Variants in MAST4 observed in about 807,000 individuals in gnomAD.
MAST4 encodes the protein microtubule-associated serine/threonine-protein kinase 4.
In MAST4, 89 loss-of-function variants were observed where a neutral mutation model predicts 162.7. The ratio of observed to expected loss-of-function variants is 0.55; its 90% confidence interval spans 0.46 to 0.65. The LOEUF (loss-of-function observed/expected upper bound fraction) is 0.65, where lower values mean the gene tolerates loss of function less well. Among genes scored for constraint, MAST4 ranks in the 30% least tolerant of loss-of-function variants. The pLI is 0.00. For synonymous variants in MAST4, 1,479 were observed against 1,361.1 expected (o/e 1.09, Z -1.91); for missense variants, 3,153 against 3,374.0 (o/e 0.93, Z 1.62).
At chr5:66,707,442 C>T (rs1449641145) in intron 1 of MAST4, among the ~76,000 whole-genome samples, 1 of 152,108 alleles carries the variant, frequency 6.6e-6, no homozygotes, top group Non-Finnish European at 1.5e-5. Flanking sequence ...ACAAGGGGGC[C>T]TTAAAAACAG....
At chr5:66,949,929 A>T (rs1262228729) in intron 4 of MAST4, among the ~76,000 whole-genome samples, 1 of 152,188 alleles carries the variant, frequency 6.6e-6, no homozygotes, top group Non-Finnish European at 1.5e-5. Flanking sequence ...AGTGTCTGAA[A>T]GCTGTAAAAC....
chr5:66,769,585 G>A (rs776987218), intron 2 of MAST4, among the ~76,000 whole-genome samples: 1 of 152,126 alleles, frequency 6.6e-6, no homozygotes, highest in Non-Finnish European at 1.5e-5. Context: ...GCATGTTACT[G>A]TACTGCATAC....
Position 66,814,538 on chromosome 5 carries a change from T to C in MAST4, c.642+25744T>C, listed in dbSNP as rs145785228. Among the ~76,000 whole-genome samples, 16 of 152,326 alleles carry C rather than the reference T, an allele frequency of 1.1e-4. No individual in the cohort carries two copies. In the East Asian group the frequency reaches 2.9e-3, roughly 28 times the overall value. ...TCTCATTAGATGATCCTCTGAAATA[T>C]ATTTCTTCTGATCTTCATCTCCAGA... On this transcript the variant is annotated intron_variant, in intron 3 of 28. Coordinates refer to ENST00000403625, the MANE Select transcript of MAST4 (RefSeq NM_001164664.2).
chr5:66,975,592 G>A (rs1241916213), intron 4 of MAST4, among the ~76,000 whole-genome samples: 1 of 152,194 alleles, frequency 6.6e-6, no homozygotes. Flanking sequence ...TTAAGGACAA[G>A]TGTGTGTAAG....
At chr5:66,706,831 A>G (rs1005786130) in intron 1 of MAST4, among the ~76,000 whole-genome samples, 16 of 152,292 alleles carry the variant, frequency 1.1e-4, no homozygotes, top group Non-Finnish European at 1.3e-4. Context: ...AAATATCTTG[A>G]CTATAAGAAA....
Position 66,596,688 on chromosome 5 carries a change from G to A in MAST4, c.33G>A (p.Pro11=). 3 of 1,471,016 alleles carry A rather than the reference G, an allele frequency of 2.0e-6. No individual in the cohort carries two copies. Among genetic ancestry groups the A allele is most frequent in the Non-Finnish European group, 2.7e-6 (3 of 1,112,892 alleles). 91.1% of individuals were successfully genotyped at this position (1,471,016 alleles called of 1,614,324 possible). A position where few individuals can be genotyped will look rare whatever the true frequency, so the allele number is the denominator to read the frequency against. MGEKVSEAPE[P]VPRGCSGHGS... Reference sequence around the variant, plus strand: ...AGAAAGTTTCGGAGGCGCCAGAGCCGGTGCCCCGCGGCTGCAGTGGCCACG... The same window carrying A: ...AGAAAGTTTCGGAGGCGCCAGAGCCAGTGCCCCGCGGCTGCAGTGGCCACG... The change falls in exon 1 of 29, where the codon CCG becomes CCA. Residue 11 remains proline (P), a synonymous_variant. Transcript: ENST00000403625.
intron 4 of MAST4, among the ~76,000 whole-genome samples, chr5:67,048,887 A>G (rs913092514): frequency 1.3e-5 from 2 of 150,372 alleles, no homozygotes; most frequent in Non-Finnish European, 3.0e-5. Context: ...CTTTTGTACA[A>G]TTTCAAGTCT....
At chr5:67,013,268 G>A (rs1487065856) in intron 4 of MAST4, among the ~76,000 whole-genome samples, 1 of 152,164 alleles carries the variant, frequency 6.6e-6, no homozygotes, top group Non-Finnish European at 1.5e-5. Context: ...TGTGCCCCTG[G>A]AAAGTTTCTA....
rs148383802 is a variant in MAST4, at chr5:66,603,315, T to C, written c.363+6297T>C. Among the ~76,000 whole-genome samples the C allele has an allele frequency of 5.3e-5, 8 of 152,342 alleles. No individual in the cohort carries two copies. In the East Asian group the frequency reaches 1.5e-3, roughly 29 times the overall value. Reference sequence around the variant, plus strand: ...CTCTTTTGCTCATGGAACCTGTTCTTAGTGATCAGTTATTAAATAATATCC... The same window carrying C: ...CTCTTTTGCTCATGGAACCTGTTCTCAGTGATCAGTTATTAAATAATATCC... On this transcript the variant is annotated intron_variant, in intron 1 of 28. Coordinates refer to ENST00000403625, the MANE Select transcript of MAST4 (RefSeq NM_001164664.2).
intron 14 of MAST4, among the ~76,000 whole-genome samples, chr5:67,123,750 A>T (rs1046034217): frequency 6.6e-6 from 1 of 152,236 alleles, no homozygotes; most frequent in African/African-American, 2.4e-5. Context: ...TAAAATTTTT[A>T]AAAGTAAAAA....
At chr5:67,069,287 G>GAGATATATATATAT (rs138978370) in intron 5 of MAST4, among the ~76,000 whole-genome samples, 6 of 107,630 alleles carry the variant, frequency 5.6e-5, no homozygotes, top group Admixed American at 1.8e-4. Flanking sequence ...GAGGAGATTG[G>GAGATATATATATAT]ATATATATAT....
chr5:66,851,013 T>C (rs1208537807), intron 3 of MAST4, among the ~76,000 whole-genome samples: 1 of 150,486 alleles, frequency 6.6e-6, no homozygotes, highest in Admixed American at 6.7e-5. Flanking sequence ...CTCCTGCAAG[T>C]AGAGGCTGCT....
intron 1 of MAST4, among the ~76,000 whole-genome samples, chr5:66,714,781 C>T (rs957485542): frequency 5.9e-5 from 9 of 152,240 alleles, no homozygotes; most frequent in African/African-American, 2.2e-4. Flanking sequence ...CCCCTGCTCA[C>T]TTCCGGTCAC....
At chr5:67,036,905 C>T (rs1243226558) in intron 4 of MAST4, among the ~76,000 whole-genome samples, 1 of 152,154 alleles carries the variant, frequency 6.6e-6, no homozygotes, top group Non-Finnish European at 1.5e-5. Flanking sequence ...AGCTTGACTA[C>T]ATTTTATTCA....
At chr5:66,668,677 G>C (rs62359961) in intron 1 of MAST4, among the ~76,000 whole-genome samples, 46,739 of 152,166 alleles carry the variant, frequency 0.31, 7,476 homozygotes, top group African/African-American at 0.38. Context: ...ATATTGTCTG[G>C]TACATAGCAA....
At position 66,951,132 on chromosome 5, in the gene MAST4, G is replaced by A. The variant is rs375415902; in HGVS notation, c.674+51150G>A. Among the ~76,000 whole-genome samples, 66 of 152,264 alleles carry A rather than the reference G, an allele frequency of 4.3e-4. 1 individual carries two copies. The South Asian group carries it at 0.013, about 30-fold the overall frequency. ...GGGCATTTAAAAATTAGGCCTTAAG[G>A]TTCTGTAGCTTTGTTATTTTCTTAT... is the stretch of plus-strand genomic sequence containing the variant. On this transcript the variant is annotated intron_variant, in intron 4 of 28. Coordinates refer to ENST00000403625, the MANE Select transcript of MAST4 (RefSeq NM_001164664.2).
At chr5:67,046,520 A>G (rs910303714) in intron 4 of MAST4, among the ~76,000 whole-genome samples, 1 of 152,174 alleles carries the variant, frequency 6.6e-6, no homozygotes, top group East Asian at 1.9e-4. Flanking sequence ...CTTTGAAACA[A>G]CTTCATTTTC....
At chr5:67,000,822 G>A (rs1295976484) in intron 4 of MAST4, among the ~76,000 whole-genome samples, 1 of 151,932 alleles carries the variant, frequency 6.6e-6, no homozygotes, top group Non-Finnish European at 1.5e-5. Context: ...AAAGGACCTG[G>A]CATTTTTTGT....
intron 3 of MAST4, among the ~76,000 whole-genome samples, chr5:66,877,259 G>GTA (rs1761364319): frequency 6.6e-6 from 1 of 152,156 alleles, no homozygotes. Context: ...CACCTGTAAG[G>GTA]TAAGTACTGC....
Sources: gnomAD v4.1 joint callset for allele counts (sites outside exome capture counted in the v4.1 genomes callset) on GRCh38, gnomAD v4.1.1 for gene constraint, MANE v1.5 for transcripts, NCBI Gene and HGNC (gene_info 2026-07-23, HGNC 2026-07-21) for gene names.